MGAT4C: variants seen among roughly 807,000 people sequenced by gnomAD.
MGAT4C encodes MGAT4 family member C, also known as alpha-1,3-mannosyl-glycoprotein 4-beta-N-acetylglucosaminyltransferase C.
In MGAT4C, 19 loss-of-function variants were observed where a neutral mutation model predicts 40.1. The observed-to-expected ratio is 0.47, with a 90% CI of 0.33 to 0.70. The LOEUF is 0.70. MGAT4C is among the 30% of genes least tolerant of loss of function. The pLI, the probability that MGAT4C is intolerant of heterozygous loss-of-function variation, is 0.02. For synonymous variants in MGAT4C, 181 were observed against 187.1 expected (o/e 0.97, Z 0.27); for missense variants, 491 against 563.2 (o/e 0.87, Z 1.30).
intron 1 of MGAT4C, among the ~76,000 whole-genome samples, chr12:86,247,723 A>G (rs1461960772): frequency 1.3e-5 from 2 of 152,142 alleles, no homozygotes; most frequent in African/African-American, 4.8e-5. Flanking sequence ...GTGGAACTGA[A>G]GAAGAAATTG....
Position 86,365,051 on chromosome 12 carries a change from G to A in MGAT4C, c.-119-30924C>T, listed in dbSNP as rs567389288. Among the ~76,000 whole-genome samples, 6 of 152,174 alleles carry A rather than the reference G, an allele frequency of 3.9e-5. No homozygotes were observed. In the South Asian group the frequency reaches 8.3e-4, roughly 21 times the overall value. On this transcript the variant is annotated intron_variant, in intron 3 of 7. Transcript: ENST00000548651. ...GTCCTAATACGCCTGGGAGCACTAC[G>A]GGAGACTGGGGCTTATTTCATCCCT...
chr12:86,784,339 C>A (rs1951895729), intron 1 of MGAT4C, among the ~76,000 whole-genome samples: 1 of 152,050 alleles, frequency 6.6e-6, no homozygotes, highest in East Asian at 1.9e-4. Context: ...TGCAGACCAC[C>A]AAAACATTCA....
At chr12:85,990,853 T>C (rs1183896229) in intron 2 of MGAT4C, among the ~76,000 whole-genome samples, 1 of 152,248 alleles carries the variant, frequency 6.6e-6, no homozygotes, top group East Asian at 1.9e-4. Flanking sequence ...CACATAAATG[T>C]ATATCCTGAG....
intron 1 of MGAT4C, among the ~76,000 whole-genome samples, chr12:86,836,170 A>G (rs1206815625): frequency 3.3e-5 from 5 of 152,048 alleles, no homozygotes; most frequent in East Asian, 1.9e-4. Context: ...TCTGTCTACT[A>G]TAACACTTTG....
At chr12:86,291,485 T>C (rs1953515359) in intron 4 of MGAT4C, among the ~76,000 whole-genome samples, 1 of 152,184 alleles carries the variant, frequency 6.6e-6, no homozygotes, top group Admixed American at 6.5e-5. Flanking sequence ...GAAGCTTTCT[T>C]TTTTTCACCA....
At chr12:86,673,603 CAT>C (rs1964318475) in intron 2 of MGAT4C, among the ~76,000 whole-genome samples, 1 of 152,078 alleles carries the variant, frequency 6.6e-6, no homozygotes, top group Non-Finnish European at 1.5e-5. Flanking sequence ...TTTTGCTACT[CAT>C]GTTAGGTGAT....
chr12:86,028,989 C>T (rs1890492856), intron 2 of MGAT4C, among the ~76,000 whole-genome samples: 1 of 151,702 alleles, frequency 6.6e-6, no homozygotes, highest in South Asian at 2.1e-4. Flanking sequence ...TTATTGTTTA[C>T]AGTATTTATT....
chr12:86,577,687 A>T (rs1960618140), intron 2 of MGAT4C, among the ~76,000 whole-genome samples: 2 of 151,628 alleles, frequency 1.3e-5, no homozygotes, highest in African/African-American at 4.8e-5. Flanking sequence ...CTAATGTTTG[A>T]ATTTTGTTGA....
chr12:86,061,974 G>C (rs7301280), intron 1 of MGAT4C, among the ~76,000 whole-genome samples: 1 of 151,924 alleles, frequency 6.6e-6, no homozygotes, highest in Non-Finnish European at 1.5e-5. Context: ...TTCCCTCCCT[G>C]ACAGCTCTGA....
intron 3 of MGAT4C, among the ~76,000 whole-genome samples, chr12:86,423,700 G>A (rs1956874798): frequency 6.6e-6 from 1 of 152,150 alleles, no homozygotes; most frequent in African/African-American, 2.4e-5. Flanking sequence ...AAAACTTGAT[G>A]TGTAAAATAT....
intron 2 of MGAT4C, among the ~76,000 whole-genome samples, chr12:86,482,021 T>C (rs1330267622): frequency 6.6e-6 from 1 of 151,240 alleles, no homozygotes; most frequent in African/African-American, 2.4e-5. Flanking sequence ...TTCTAGGTTG[T>C]AAAACAGTCC....
intron 4 of MGAT4C, among the ~76,000 whole-genome samples, chr12:86,313,110 T>C (rs1356261870): frequency 6.6e-6 from 1 of 152,218 alleles, no homozygotes; most frequent in Non-Finnish European, 1.5e-5. Context: ...AAAACATGAA[T>C]TTGGATATTT....
chr12:86,295,117 T>C (rs1004433706), intron 4 of MGAT4C, among the ~76,000 whole-genome samples: 1 of 152,166 alleles, frequency 6.6e-6, no homozygotes, highest in Non-Finnish European at 1.5e-5. Context: ...TACTTATTAT[T>C]TTATTCAGGC....
chr12:86,224,377 C>T (rs1030574019), intron 1 of MGAT4C, among the ~76,000 whole-genome samples: 1 of 152,046 alleles, frequency 6.6e-6, no homozygotes, highest in African/African-American at 2.4e-5. Context: ...ACCCCACTGC[C>T]TGCTTTAGAT....
chr12:86,184,913 T>C (rs2135880742), intron 1 of MGAT4C, among the ~76,000 whole-genome samples: 1 of 152,294 alleles, frequency 6.6e-6, no homozygotes, highest in South Asian at 2.1e-4. Context: ...GATATTCCCG[T>C]CAGCCTACGT....
At chr12:86,282,865 C>A (rs757814814) in intron 4 of MGAT4C, among the ~76,000 whole-genome samples, 1 of 152,036 alleles carries the variant, frequency 6.6e-6, no homozygotes, top group Non-Finnish European at 1.5e-5. Flanking sequence ...CTTTTCTGGA[C>A]TCTTGATTAA....
At chr12:86,636,259 C>G (rs1304651702) in intron 2 of MGAT4C, among the ~76,000 whole-genome samples, 2 of 152,034 alleles carry the variant, frequency 1.3e-5, no homozygotes, top group East Asian at 1.9e-4. Flanking sequence ...AAATACACTT[C>G]TTGGCTTGTG....
intron 4 of MGAT4C, among the ~76,000 whole-genome samples, chr12:86,269,053 TATA>T (rs1952874975): frequency 7.9e-6 from 1 of 126,660 alleles, no homozygotes; most frequent in African/African-American, 3.0e-5. Context: ...TATATATATA[TATA>T]TATATTCTTT....
At chr12:86,057,842 T>C (rs1254455505) in intron 1 of MGAT4C, among the ~76,000 whole-genome samples, 1 of 152,206 alleles carries the variant, frequency 6.6e-6, no homozygotes, top group Non-Finnish European at 1.5e-5. Flanking sequence ...AGGGAAATAC[T>C]TTAATTCAAC....
Sources: gnomAD v4.1 joint callset for allele counts (sites outside exome capture counted in the v4.1 genomes callset) on GRCh38, gnomAD v4.1.1 for gene constraint, MANE v1.5 for transcripts, NCBI Gene and HGNC (gene_info 2026-07-23, HGNC 2026-07-21) for gene names.